GPC3: variants seen among roughly 807,000 people sequenced by gnomAD.
GPC3 encodes the protein glypican 3, also known as glypican-3.
A neutral mutation model predicts 34.4 loss-of-function variants in GPC3; 3 were observed. The ratio of observed to expected loss-of-function variants is 0.09; its 90% CI spans 0.04 to 0.23. The LOEUF (loss-of-function observed/expected upper bound fraction) is 0.23. GPC3 is among the 10% of genes least tolerant of loss of function. The pLI is 1.00. For missense variants in GPC3, 351 were observed against 445.6 expected (o/e 0.79, Z 1.91); for synonymous variants, 177 against 174.0 (o/e 1.02, Z -0.13).
In GPC3 at chrX:133,777,013, G is replaced by T. The variant is rs772908696; in HGVS notation, c.338-22837C>A. ...TCCTGCCTCAGCCTCCCAAGTAGCTGGGATTACAGGTGCCCACCACCACGC... is the reference window on the plus strand; with the variant it reads ...TCCTGCCTCAGCCTCCCAAGTAGCTTGGATTACAGGTGCCCACCACCACGC... On this transcript the variant is annotated intron_variant, in intron 2 of 7. Coordinates refer to ENST00000370818, the MANE Select transcript of GPC3 (RefSeq NM_004484.4). 3.7e-5 allele frequency among the ~76,000 whole-genome samples: 4 copies of T among 106,890 alleles called. No homozygotes were observed. In the South Asian group the frequency reaches 1.7e-3, roughly 46 times the overall value. 92.8% of individuals were successfully genotyped at this position (106,890 alleles called of 115,157 possible).
At chrX:133,657,365 A>G (rs1210321881) in intron 6 of GPC3, among the ~76,000 whole-genome samples, 2 of 111,745 alleles carry the variant, frequency 1.8e-5, no homozygotes, top group African/African-American at 3.3e-5. Flanking sequence ...GTTTTTGGTA[A>G]TTGTGGAGTC....
chrX:133,822,057 C>A (rs1056550850), intron 2 of GPC3, among the ~76,000 whole-genome samples: 10 of 111,897 alleles, frequency 8.9e-5, no homozygotes, highest in African/African-American at 3.3e-4. Flanking sequence ...CTGCAGTCAA[C>A]CACAATCTGA....
chrX:133,772,685 A>G (rs1311012428), intron 2 of GPC3, among the ~76,000 whole-genome samples: 1 of 112,379 alleles, frequency 8.9e-6, no homozygotes, highest in Non-Finnish European at 1.9e-5. Context: ...AAATAACAGT[A>G]ACAAGAACAA....
chrX:133,812,468 G>C (rs2075670448), intron 2 of GPC3, among the ~76,000 whole-genome samples: 1 of 111,813 alleles, frequency 8.9e-6, no homozygotes, highest in Non-Finnish European at 1.9e-5. Context: ...AACTGGGAGG[G>C]GGAACAGGTG....
chrX:133,855,126 G>A (rs1171998962), intron 2 of GPC3, among the ~76,000 whole-genome samples: 1 of 111,047 alleles, frequency 9.0e-6, no homozygotes, highest in Non-Finnish European at 1.9e-5. Context: ...AATTTTGGTG[G>A]ATATTCCAGA....
At chrX:133,727,102 T>A (rs1403190681) in intron 3 of GPC3, among the ~76,000 whole-genome samples, 1 of 112,177 alleles carries the variant, frequency 8.9e-6, no homozygotes, top group Non-Finnish European at 1.9e-5. Flanking sequence ...TTCCACTTTA[T>A]GTGTTTGTGG....
At chrX:133,945,315 C>T (rs777090209) in intron 2 of GPC3, among the ~76,000 whole-genome samples, 11 of 111,228 alleles carry the variant, frequency 9.9e-5, no homozygotes, top group South Asian at 3.8e-4. Context: ...CCCTTGAGCC[C>T]GGGAGGCGGA....
At chrX:133,719,787 A>G (rs989692502) in intron 3 of GPC3, among the ~76,000 whole-genome samples, 1 of 112,427 alleles carries the variant, frequency 8.9e-6, no homozygotes, top group Non-Finnish European at 1.9e-5. Context: ...CAACCCACAG[A>G]GTGGGAGAAA....
intron 4 of GPC3, among the ~76,000 whole-genome samples, chrX:133,692,911 T>C (rs7053076): frequency 0.053 from 5,882 of 111,089 alleles, 410 homozygotes; most frequent in African/African-American, 0.18. Flanking sequence ...CTAGAGATGG[T>C]CCGTTTCCAT....
At chrX:133,620,714 C>T (rs146192477) in intron 6 of GPC3, among the ~76,000 whole-genome samples, 6,950 of 111,087 alleles carry the variant, frequency 0.063, 573 homozygotes, top group African/African-American at 0.21. Context: ...CTATTCTCTC[C>T]GAAGCCTGCT....
At chrX:133,944,523 T>C (rs890690913) in intron 2 of GPC3, among the ~76,000 whole-genome samples, 1 of 111,602 alleles carries the variant, frequency 9.0e-6, no homozygotes, top group Non-Finnish European at 1.9e-5. Flanking sequence ...TACGGGACCA[T>C]TTAGAAACTG....
At chrX:133,618,700 CA>C (rs199558969) in intron 6 of GPC3, among the ~76,000 whole-genome samples, 7,629 of 41,356 alleles carry the variant, frequency 0.18, 344 homozygotes, top group East Asian at 0.41. Context: ...GACACTGTAT[CA>C]AAAAAAAAAA....
Position 133,755,465 on chromosome X carries a change from G to T in GPC3, c.338-1289C>A, listed in dbSNP as rs1256001282. Among the ~76,000 whole-genome samples the T allele has an allele frequency of 2.7e-5, 3 of 112,023 alleles. No individual in the cohort carries two copies. The Admixed American group carries it at 2.8e-4, about 11-fold the overall frequency. On this transcript the variant is annotated intron_variant, in intron 2 of 7. Coordinates refer to ENST00000370818, the MANE Select transcript of GPC3 (RefSeq NM_004484.4). ...CATGCTCCCTAGATTCTTCCCTTGG[G>T]CTTATGACATGCCCAGCAATGTTGA...
At chrX:133,888,709 C>T (rs898110214) in intron 2 of GPC3, among the ~76,000 whole-genome samples, 1 of 112,284 alleles carries the variant, frequency 8.9e-6, no homozygotes, top group African/African-American at 3.2e-5. Context: ...CTGTTGGCTG[C>T]ATAAATGTCT....
intron 5 of GPC3, among the ~76,000 whole-genome samples, chrX:133,676,818 A>C (rs1376121093): frequency 8.9e-6 from 1 of 111,984 alleles, no homozygotes; most frequent in Non-Finnish European, 1.9e-5. Flanking sequence ...AACTAGGTCA[A>C]AATTTACCCA....
Position 133,827,102 on chromosome X carries a change from T to C in GPC3, c.338-72926A>G, listed in dbSNP as rs935560593. ...ATTGTTCACTTTAAAATGGGTTCTATTGTATATGAATTTCACCTAGGTAAA... is the reference window on the plus strand; with the variant it reads ...ATTGTTCACTTTAAAATGGGTTCTACTGTATATGAATTTCACCTAGGTAAA... On this transcript the variant is annotated intron_variant, in intron 2 of 7. Transcript: ENST00000370818. Among the ~76,000 whole-genome samples the C allele has an allele frequency of 5.4e-5, 6 of 111,911 alleles. No homozygotes were observed. The East Asian group carries it at 1.1e-3, about 21-fold the overall frequency.
chrX:133,794,334 G>A (rs2075565954), intron 2 of GPC3, among the ~76,000 whole-genome samples: 1 of 111,869 alleles, frequency 8.9e-6, no homozygotes, highest in South Asian at 3.7e-4. Flanking sequence ...CAGGGCCTGT[G>A]AATTCCAAGG....
chrX:133,735,741 T>C (rs780869631), intron 3 of GPC3, among the ~76,000 whole-genome samples: 2 of 110,311 alleles, frequency 1.8e-5, no homozygotes, highest in Admixed American at 9.7e-5. Flanking sequence ...GGGGGGTGGA[T>C]TGCTTGAGCC....
chrX:133,862,418 C>T (rs976134690), intron 2 of GPC3, among the ~76,000 whole-genome samples: 2 of 108,134 alleles, frequency 1.8e-5, no homozygotes, highest in Admixed American at 9.9e-5. Flanking sequence ...TGGTGGCTCA[C>T]GCCTGTAATC....
Sources: allele counts gnomAD v4.1 joint callset (sites outside exome capture counted in the v4.1 genomes callset), GRCh38; gene constraint gnomAD v4.1.1; transcripts MANE v1.5; gene names NCBI Gene and HGNC (gene_info 2026-07-23, HGNC 2026-07-21).